FBXL17: variants seen among roughly 807,000 people sequenced by gnomAD.
The protein encoded by FBXL17 is F-box/LRR-repeat protein 17.
In FBXL17, 22 loss-of-function variants were observed where a neutral mutation model predicts 66.2. That is an observed-to-expected ratio of 0.33 (90% confidence interval 0.24 to 0.47). The LOEUF (loss-of-function observed/expected upper bound fraction) is 0.47, where lower values mean the gene tolerates loss of function less well. Ranked by LOEUF, FBXL17 falls within the 20% of genes least tolerant of loss-of-function variation. The probability of loss-of-function intolerance (pLI) is 1.00; values close to 1 mark genes in which losing one functional copy is unlikely to be tolerated. For synonymous variants in FBXL17, 474 were observed against 400.5 expected (o/e 1.18, Z -2.19); for missense variants, 878 against 948.2 (o/e 0.93, Z 0.97).
intron 4 of FBXL17, among the ~76,000 whole-genome samples, chr5:108,326,269 TG>T (rs1305847800): frequency 6.6e-6 from 1 of 151,790 alleles, no homozygotes; most frequent in Non-Finnish European, 1.5e-5. Context: ...TCTTATAACA[TG>T]TAAGAAGACA....
At chr5:107,990,861 G>A (rs1233348068) in intron 7 of FBXL17, among the ~76,000 whole-genome samples, 3 of 152,042 alleles carry the variant, frequency 2.0e-5, no homozygotes, top group African/African-American at 7.2e-5. Flanking sequence ...CTCCGAGACT[G>A]GTAGGATTTG....
At chr5:107,975,811 T>C (rs1752554622) in intron 7 of FBXL17, among the ~76,000 whole-genome samples, 1 of 151,794 alleles carries the variant, frequency 6.6e-6, no homozygotes, top group Non-Finnish European at 1.5e-5. Context: ...ATTTGACACT[T>C]TGCTTTTGCT....
At chr5:108,084,843 TCAATA>T (rs773432473) in intron 6 of FBXL17, among the ~76,000 whole-genome samples, 1 of 152,214 alleles carries the variant, frequency 6.6e-6, no homozygotes, top group Non-Finnish European at 1.5e-5. Flanking sequence ...CTACTTCCCA[TCAATA>T]CAATAGGTGT....
intron 4 of FBXL17, among the ~76,000 whole-genome samples, chr5:108,324,427 CAG>C (rs1207021507): frequency 6.6e-6 from 1 of 151,850 alleles, no homozygotes; most frequent in Non-Finnish European, 1.5e-5. Flanking sequence ...AATAAACAAA[CAG>C]AAAATAACAA....
At chr5:107,937,926 G>T (rs970211746) in intron 7 of FBXL17, among the ~76,000 whole-genome samples, 3 of 152,250 alleles carry the variant, frequency 2.0e-5, no homozygotes, top group South Asian at 2.1e-4. Flanking sequence ...TAGCAACAAG[G>T]TCAAGATCAA....
At chr5:108,278,151 T>C (rs965412345) in intron 4 of FBXL17, among the ~76,000 whole-genome samples, 2 of 152,174 alleles carry the variant, frequency 1.3e-5, no homozygotes, top group Admixed American at 6.5e-5. Context: ...TGAGGTCCAC[T>C]TTCCCACAAG....
intron 7 of FBXL17, among the ~76,000 whole-genome samples, chr5:107,948,178 A>G (rs558648406): frequency 3.0e-4 from 46 of 152,202 alleles, no homozygotes; most frequent in Non-Finnish European, 5.4e-4. Context: ...GGTAATAGAG[A>G]AATAAACCTT....
intron 4 of FBXL17, among the ~76,000 whole-genome samples, chr5:108,259,989 T>C: frequency 6.8e-6 from 1 of 147,386 alleles, no homozygotes; most frequent in Non-Finnish European, 1.5e-5. Flanking sequence ...CTGGAGAAAC[T>C]AGCTTAGTGA....
intron 6 of FBXL17, among the ~76,000 whole-genome samples, chr5:108,166,594 G>A (rs985944121): frequency 2.6e-5 from 4 of 152,034 alleles, no homozygotes; most frequent in African/African-American, 9.7e-5. Context: ...TAACAAAGTG[G>A]ACCCAGATGA....
chr5:108,235,082 TG>T (rs1335642714), intron 4 of FBXL17, among the ~76,000 whole-genome samples: 1 of 152,204 alleles, frequency 6.6e-6, no homozygotes, highest in African/African-American at 2.4e-5. Flanking sequence ...CTAGCATATC[TG>T]GGATGAAAAG....
chr5:108,357,860 T>C (rs556025988), intron 3 of FBXL17, among the ~76,000 whole-genome samples: 1 of 142,740 alleles, frequency 7.0e-6, no homozygotes, highest in South Asian at 2.2e-4. Context: ...TTTGAACATA[T>C]TTTGAACTAA....
intron 7 of FBXL17, among the ~76,000 whole-genome samples, chr5:107,925,957 T>A (rs2112567728): frequency 6.6e-6 from 1 of 152,326 alleles, no homozygotes; most frequent in East Asian, 1.9e-4. Flanking sequence ...TAATGCAATG[T>A]TTTTGCACAT....
At chr5:108,372,094 T>G (rs533304477) in intron 1 of FBXL17, among the ~76,000 whole-genome samples, 54 of 152,298 alleles carry the variant, frequency 3.5e-4, no homozygotes, top group African/African-American at 1.3e-3. Flanking sequence ...GTAAAAGAAG[T>G]TTCCTCTCAT....
chr5:108,018,758 C>A (rs1367567169), intron 7 of FBXL17, among the ~76,000 whole-genome samples: 1 of 152,104 alleles, frequency 6.6e-6, no homozygotes, highest in African/African-American at 2.4e-5. Flanking sequence ...GGAAAGTCCA[C>A]AAAATTTTCA....
intron 4 of FBXL17, among the ~76,000 whole-genome samples, chr5:108,336,058 ATATC>A (rs2150247647): frequency 6.6e-6 from 1 of 152,308 alleles, no homozygotes; most frequent in South Asian, 2.1e-4. Flanking sequence ...CTGTAACAAA[ATATC>A]TATCCTTATT....
chr5:108,297,828 A>G, intron 4 of FBXL17: 1 of 814,184 alleles, frequency 1.2e-6, no homozygotes, highest in Non-Finnish European at 1.5e-6. Flanking sequence ...CTTACTGAAT[A>G]AGCATTTAAC....
At chr5:108,189,100 C>T (rs1753355279) in intron 5 of FBXL17, among the ~76,000 whole-genome samples, 2 of 152,058 alleles carry the variant, frequency 1.3e-5, no homozygotes, top group Non-Finnish European at 2.9e-5. Flanking sequence ...GAACAGGAGA[C>T]ACCAGAAGGA....
intron 6 of FBXL17, among the ~76,000 whole-genome samples, chr5:108,066,378 G>A (rs2112854000): frequency 6.6e-6 from 1 of 151,978 alleles, no homozygotes; most frequent in African/African-American, 2.4e-5. Flanking sequence ...TAAAAAGTTT[G>A]GGATATGTAC....
At chr5:108,375,367 G>GCACACACACACACACACACACACA (rs61340348) in intron 1 of FBXL17, among the ~76,000 whole-genome samples, 1 of 148,740 alleles carries the variant, frequency 6.7e-6, no homozygotes, top group Non-Finnish European at 1.5e-5. Flanking sequence ...CAGAGACCCT[G>GCACACACACACACACACACACACA]CACACACACA....
Sources: allele counts gnomAD v4.1 joint callset (sites outside exome capture counted in the v4.1 genomes callset), GRCh38; gene constraint gnomAD v4.1.1; transcripts MANE v1.5; gene names NCBI Gene and HGNC (gene_info 2026-07-23, HGNC 2026-07-21).